The following PLCG2 variants were observed in gnomAD, a reference collection of about 807,000 sequenced individuals.
The protein encoded by PLCG2 is phospholipase C gamma 2.
In PLCG2, 69 loss-of-function variants were observed where a neutral mutation model predicts 175.6. The ratio of observed to expected loss-of-function variants is 0.39; its 90% confidence interval spans 0.32 to 0.48. The LOEUF (loss-of-function observed/expected upper bound fraction) is 0.48, where lower values mean the gene tolerates loss of function less well. Ranked by LOEUF, PLCG2 falls within the 20% of genes least tolerant of loss-of-function variation. The probability of loss-of-function intolerance (pLI) is 0.91; values close to 1 mark genes in which losing one functional copy is unlikely to be tolerated. For synonymous variants in PLCG2, 827 were observed against 624.0 expected, an observed-to-expected ratio of 1.33 and a Z score of -4.85; for missense variants, 1,798 against 1,650.9, an observed-to-expected ratio of 1.09 and a Z score of -1.54.
At chr16:81,828,421 G>A (rs1343910746) in intron 2 of PLCG2, among the ~76,000 whole-genome samples, 1 of 151,656 alleles carries the variant, frequency 6.6e-6, no homozygotes, top group Admixed American at 6.6e-5. Flanking sequence ...TGTATTTTTA[G>A]TAGAGACTGG....
chr16:81,950,036 G>A (rs1257554082), intron 31 of PLCG2, among the ~76,000 whole-genome samples: 3 of 152,152 alleles, frequency 2.0e-5, no homozygotes, highest in Non-Finnish European at 2.9e-5. Flanking sequence ...AGGAAAAAAG[G>A]AGATCAACAT....
intron 8 of PLCG2, among the ~76,000 whole-genome samples, chr16:81,881,454 T>C (rs1908075741): frequency 6.6e-6 from 1 of 152,222 alleles, no homozygotes; most frequent in South Asian, 2.1e-4. Context: ...TGCCTCATGA[T>C]TTCCCAAGTG....
intron 2 of PLCG2, among the ~76,000 whole-genome samples, chr16:81,805,767 GTTTTTTTTTTT>G (rs766609754): frequency 8.3e-4 from 33 of 39,528 alleles, no homozygotes; most frequent in South Asian, 4.7e-3. Flanking sequence ...GTTTTGTTTT[GTTTTTTTTTTT>G]TTTTGTTTTT....
At chr16:81,867,964 G>T (rs914810430) in intron 5 of PLCG2, among the ~76,000 whole-genome samples, 4 of 152,210 alleles carry the variant, frequency 2.6e-5, no homozygotes, top group Admixed American at 6.5e-5. Context: ...CTCCCAAAGT[G>T]CTGGGATTAC....
chr16:81,917,870 C>T lies in PLCG2; in HGVS notation c.2055-1614C>T, dbSNP rs564027030. Among the ~76,000 whole-genome samples, 14 of 152,200 alleles carry T rather than the reference C, an allele frequency of 9.2e-5. 1 individual carries two copies. In the South Asian group the frequency reaches 1.7e-3, roughly 18 times the overall value. On this transcript the variant is annotated intron_variant, in intron 19 of 32. Coordinates refer to ENST00000564138, the MANE Select transcript of PLCG2 (RefSeq NM_002661.5). ...CCGAGTAGCTGGGACTACAGGTGCC[C>T]GCCACTGCGCCCAGCTAATTTTTTG...
At chr16:81,830,281 C>T (rs556944757) in intron 2 of PLCG2, among the ~76,000 whole-genome samples, 3 of 152,246 alleles carry the variant, frequency 2.0e-5, no homozygotes, top group African/African-American at 7.2e-5. Flanking sequence ...GATCATGCCA[C>T]TCACTCCAGC....
At chr16:81,867,149 T>A (rs1907281300) in intron 5 of PLCG2, among the ~76,000 whole-genome samples, 1 of 152,122 alleles carries the variant, frequency 6.6e-6, no homozygotes, top group African/African-American at 2.4e-5. Context: ...ATGGCCAGAG[T>A]CACACTGGAC....
chr16:81,871,199 G>T (rs538157943), intron 7 of PLCG2, among the ~76,000 whole-genome samples: 1 of 152,260 alleles, frequency 6.6e-6, no homozygotes, highest in South Asian at 2.1e-4. Flanking sequence ...AGTTTGATTG[G>T]AATTTGATCT....
intron 21 of PLCG2, chr16:81,921,566 C>T (rs1028263115): frequency 4.0e-5 from 17 of 419,758 alleles, no homozygotes; most frequent in African/African-American, 3.1e-4. Context: ...GTTTTTGGCT[C>T]GCTGACAGAG....
In PLCG2 at chr16:81,905,465, C is replaced by A. The variant is rs925017425; in HGVS notation, c.1425C>A (p.His475Gln). Reference sequence around the variant, plus strand: ...ACATGGAGGACAAGAAGGACGAACACAAGCAACAGGGGGAGCTGTACATGT... The same window carrying A: ...ACATGGAGGACAAGAAGGACGAACAAAAGCAACAGGGGGAGCTGTACATGT... The part of the protein sequence containing the change: ...DVNMEDKKDE[H>Q]KQQGELYMWD... The change falls in exon 15 of 33, where the codon CAC becomes CAA. Residue 475 changes from histidine to glutamine, a missense_variant. By Grantham distance (24) the His-to-Gln change is conservative. Transcript: ENST00000564138. 2.5e-6 allele frequency: 4 copies of A among 1,614,060 alleles called. No individual in the cohort carries two copies. Among genetic ancestry groups the A allele is most frequent in the Non-Finnish European group, 3.4e-6 (4 of 1,180,018 alleles).
intron 2 of PLCG2, among the ~76,000 whole-genome samples, chr16:81,832,387 G>A (rs528597544): frequency 2.6e-5 from 4 of 152,144 alleles, no homozygotes; most frequent in African/African-American, 9.7e-5. Context: ...AGTAGAATCT[G>A]TCCCCACCCT....
At chr16:81,800,238 A>G (rs1432121087) in intron 2 of PLCG2, among the ~76,000 whole-genome samples, 1 of 152,234 alleles carries the variant, frequency 6.6e-6, no homozygotes, top group East Asian at 1.9e-4. Context: ...GTTCTGGGAT[A>G]CATGTGCAGA....
rs371028710 is a variant in PLCG2, at chr16:81,758,692, T to C, written c.-48+2726T>C. On this transcript the variant is annotated intron_variant, in intron 2 of 5. Coordinates refer to the PLCG2 transcript ENST00000565054. Reference sequence around the variant, plus strand: ...GTCCATCTCTCTTTTTTTTTTTTTTTCCTGAGACAGAGTCTCACTCTGTTG... The same window carrying C: ...GTCCATCTCTCTTTTTTTTTTTTTTCCCTGAGACAGAGTCTCACTCTGTTG... Among the ~76,000 whole-genome samples, 7 of 139,894 alleles carry C rather than the reference T, an allele frequency of 5.0e-5. No homozygotes were observed. The East Asian group carries it at 8.2e-4, about 16-fold the overall frequency. The allele number at this position is 139,894 out of a possible 152,430, so 91.8% of individuals were successfully genotyped here.
intron 5 of PLCG2, among the ~76,000 whole-genome samples, chr16:81,867,223 G>C (rs1412571934): frequency 6.6e-6 from 1 of 152,352 alleles, no homozygotes; most frequent in East Asian, 1.9e-4. Context: ...AGCAGAAGCT[G>C]GGAGGATGGT....
At chr16:81,840,517 C>T (rs1905765691) in intron 2 of PLCG2, among the ~76,000 whole-genome samples, 1 of 152,172 alleles carries the variant, frequency 6.6e-6, no homozygotes, top group South Asian at 2.1e-4. Context: ...TGTTTTCCTG[C>T]AACTAGACAG....
chr16:81,829,788 T>C (rs1330453090), intron 2 of PLCG2, among the ~76,000 whole-genome samples: 9 of 152,212 alleles, frequency 5.9e-5, no homozygotes. Context: ...TGCTGGGCAT[T>C]TGTGCTGAGT....
intron 1 of PLCG2, among the ~76,000 whole-genome samples, chr16:81,784,372 G>A (rs1270644896): frequency 6.6e-6 from 1 of 152,228 alleles, no homozygotes; most frequent in East Asian, 1.9e-4. Flanking sequence ...TGTCTTCCCA[G>A]CTGCCCCTTG....
rs1231399524 is a variant in PLCG2 at position 81,927,262 on chromosome 16, G to A, written c.2514+84G>A. On this transcript the variant is annotated intron_variant, in intron 23 of 32. Coordinates refer to ENST00000564138, the MANE Select transcript of PLCG2 (RefSeq NM_002661.5). ...AGGGAGCTGTGCCATCTCAGTGGGT[G>A]AATTTTTCCATGTGCTGCTTGTGGT... The A allele has an allele frequency of 1.9e-5, 17 of 892,198 alleles. No individual in the cohort carries two copies. The Admixed American group carries it at 3.0e-4, about 16-fold the overall frequency. The allele number at this position is 892,198 out of a possible 1,614,324, so 55.3% of individuals were successfully genotyped here.
intron 1 of PLCG2, among the ~76,000 whole-genome samples, chr16:81,780,831 A>C (rs1910696484): frequency 6.6e-6 from 1 of 152,190 alleles, no homozygotes; most frequent in Non-Finnish European, 1.5e-5. Context: ...GTTCCAGACC[A>C]GCCTCACCAA....
Sources: gnomAD v4.1 joint callset for allele counts (sites outside exome capture counted in the v4.1 genomes callset) on GRCh38, gnomAD v4.1.1 for gene constraint, MANE v1.5 for transcripts, NCBI Gene and HGNC (gene_info 2026-07-23, HGNC 2026-07-21) for gene names.